Variants in AOPEP observed in about 807,000 individuals in gnomAD.
The protein encoded by AOPEP is aminopeptidase O (putative).
AOPEP carries 77 observed loss-of-function variants against 98.1 expected under a neutral mutation model. The observed-to-expected ratio is 0.78, with a 90% CI of 0.65 to 0.95. The LOEUF (loss-of-function observed/expected upper bound fraction) is 0.95, where lower values mean the gene tolerates loss of function less well. AOPEP is among the 40% of genes least tolerant of loss of function. The pLI is 0.00. For missense variants in AOPEP, 1,024 were observed against 1,024.7 expected, an observed-to-expected ratio of 1.00 and a Z score of 0.01; for synonymous variants, 346 against 365.3, an observed-to-expected ratio of 0.95 and a Z score of 0.60.
At chr9:94,934,000 G>A (rs2055833074) in intron 7 of AOPEP, among the ~76,000 whole-genome samples, 1 of 152,014 alleles carries the variant, frequency 6.6e-6, no homozygotes, top group South Asian at 2.1e-4. Context: ...CGCCTGCCTC[G>A]GCCTCCCAAA....
At chr9:94,903,640 C>G (rs1055690076) in intron 5 of AOPEP, among the ~76,000 whole-genome samples, 1 of 94,850 alleles carries the variant, frequency 1.1e-5, no homozygotes, top group Non-Finnish European at 2.3e-5. Context: ...AAAAAAAAAA[C>G]AGTTTTCAAG....
At chr9:94,937,515 G>A (rs796898127) in intron 7 of AOPEP, among the ~76,000 whole-genome samples, 1 of 152,294 alleles carries the variant, frequency 6.6e-6, no homozygotes, top group African/African-American at 2.4e-5. Flanking sequence ...ATATTCTGAG[G>A]TACAGGGGGA....
intron 7 of AOPEP, among the ~76,000 whole-genome samples, chr9:94,929,281 C>G (rs1250758400): frequency 6.6e-6 from 1 of 152,220 alleles, no homozygotes; most frequent in Non-Finnish European, 1.5e-5. Flanking sequence ...TGCTCCTCTC[C>G]TCGCCTGTTC....
chr9:95,084,256 C>G (rs1176003284), intron 16 of AOPEP, among the ~76,000 whole-genome samples: 1 of 152,128 alleles, frequency 6.6e-6, no homozygotes, highest in Non-Finnish European at 1.5e-5. Flanking sequence ...TTATGAAAAC[C>G]ATTTCTGTGT....
In AOPEP at chr9:94,932,062, G is replaced by A. The variant is rs78951291; in HGVS notation, c.1661+3531G>A. On this transcript the variant is annotated intron_variant, in intron 7 of 16. Coordinates refer to ENST00000375315, the MANE Select transcript of AOPEP (RefSeq NM_001193329.3). ...GAAGAGAACAGGGATTTAAACCCAG[G>A]GACGGAAACTCTTCTCGGTTCCCTA... 10,476 of 1,118,446 alleles carry A rather than the reference G, an allele frequency of 9.4e-3. 741 individuals carry two copies. In the African/African-American group the frequency reaches 0.15, roughly 16 times the overall value. The allele number at this position is 1,118,446 out of a possible 1,614,324, so 69.3% of individuals were successfully genotyped here.
At chr9:95,082,475 C>A in intron 15 of AOPEP, 100 bp from the exon 16 acceptor site, 1 of 1,352,292 alleles carries the variant, frequency 7.4e-7, no homozygotes, top group Non-Finnish European at 1.0e-6. Context: ...ATTTCTAGAC[C>A]AGCAAGTGTG....
intron 1 of AOPEP, among the ~76,000 whole-genome samples, chr9:94,746,708 G>A (rs1834559234): frequency 6.6e-6 from 1 of 152,178 alleles, no homozygotes; most frequent in African/African-American, 2.4e-5. Flanking sequence ...AAAGAGGAAT[G>A]GCATCTGGGT....
At chr9:95,113,226 C>T in the AOPEP span, among the ~76,000 whole-genome samples, 1 of 152,198 alleles carries the variant, frequency 6.6e-6, no homozygotes, top group Non-Finnish European at 1.5e-5. Flanking sequence ...AAGGAGTGAG[C>T]AGCTGGCACC....
At chr9:94,974,432 A>G (rs1214328960) in intron 10 of AOPEP, among the ~76,000 whole-genome samples, 1 of 152,236 alleles carries the variant, frequency 6.6e-6, no homozygotes, top group African/African-American at 2.4e-5. Flanking sequence ...CAGGGATATT[A>G]TGAGAAATGA....
intron 4 of AOPEP, among the ~76,000 whole-genome samples, chr9:94,797,962 C>T (rs1410950241): frequency 6.6e-6 from 1 of 152,124 alleles, no homozygotes; most frequent in African/African-American, 2.4e-5. Flanking sequence ...CCTTAGCCTC[C>T]CAAAGTGCTG....
chr9:94,881,650 C>A (rs2047600585), intron 5 of AOPEP, among the ~76,000 whole-genome samples: 2 of 152,080 alleles, frequency 1.3e-5, no homozygotes, highest in Non-Finnish European at 2.9e-5. Flanking sequence ...GGGACAGAGT[C>A]CATTTATAAA....
At chr9:95,037,420 C>T (rs1405354086) in intron 13 of AOPEP, among the ~76,000 whole-genome samples, 2 of 152,114 alleles carry the variant, frequency 1.3e-5, no homozygotes, top group Non-Finnish European at 1.5e-5. Flanking sequence ...AAAGTATTAC[C>T]GCATTCAGTT....
the AOPEP span, among the ~76,000 whole-genome samples, chr9:95,117,583 T>TA: frequency 4.2e-5 from 5 of 119,570 alleles, no homozygotes; most frequent in African/African-American, 1.7e-4. Flanking sequence ...TTAACCTTTT[T>TA]AAAGTCACCT....
the AOPEP span, among the ~76,000 whole-genome samples, chr9:95,092,560 T>C: frequency 1.4e-4 from 21 of 152,296 alleles, no homozygotes; most frequent in African/African-American, 4.6e-4. Flanking sequence ...GTGGTTTCCA[T>C]TTTCTTAAGC....
chr9:95,114,635 G>A, the AOPEP span: 1 of 1,613,864 alleles, frequency 6.2e-7, no homozygotes, highest in Non-Finnish European at 8.5e-7. Flanking sequence ...TCACCCATGA[G>A]TCTGGTCTTC....
At chr9:94,762,051 G>A (rs1444920963) in intron 2 of AOPEP, among the ~76,000 whole-genome samples, 1 of 152,188 alleles carries the variant, frequency 6.6e-6, no homozygotes, top group East Asian at 1.9e-4. Flanking sequence ...CCTCAAACAT[G>A]ACTTTCTCCT....
chr9:94,997,796 C>A (rs572917212), intron 11 of AOPEP, among the ~76,000 whole-genome samples: 1 of 152,260 alleles, frequency 6.6e-6, no homozygotes, highest in African/African-American at 2.4e-5. Context: ...AGGGCTCAAG[C>A]GATACTTCTG....
chr9:94,761,556 T>C (rs993694343), intron 2 of AOPEP, among the ~76,000 whole-genome samples: 1 of 152,210 alleles, frequency 6.6e-6, no homozygotes, highest in Non-Finnish European at 1.5e-5. Flanking sequence ...TCTTCGGCAA[T>C]TGCTTACATG....
At chr9:95,061,985 G>A (rs1222023713) in intron 14 of AOPEP, among the ~76,000 whole-genome samples, 1 of 152,190 alleles carries the variant, frequency 6.6e-6, no homozygotes, top group African/African-American at 2.4e-5. Flanking sequence ...TAATCAGGGT[G>A]GAGTACCACC....
Sources: gnomAD v4.1 joint callset for allele counts (sites outside exome capture counted in the v4.1 genomes callset) on GRCh38, gnomAD v4.1.1 for gene constraint, MANE v1.5 for transcripts, NCBI Gene and HGNC (gene_info 2026-07-23, HGNC 2026-07-21) for gene names.